Variants in GPD2 observed in about 807,000 individuals in gnomAD.
The protein encoded by GPD2 is glycerol-3-phosphate dehydrogenase 2.
A neutral mutation model predicts 82.4 loss-of-function variants in GPD2; 54 were observed. The observed-to-expected ratio is 0.66, with a 90% CI of 0.53 to 0.82. The LOEUF is 0.82. Ranked by LOEUF, GPD2 falls within the 40% of genes least tolerant of loss-of-function variation. The pLI is 0.00. For synonymous variants in GPD2, 288 were observed against 306.1 expected, an observed-to-expected ratio of 0.94 and a Z score of 0.62; for missense variants, 748 against 896.2, an observed-to-expected ratio of 0.83 and a Z score of 2.11.
At chr2:156,570,810 A>T (rs2288760) in intron 12 of GPD2, among the ~76,000 whole-genome samples, 42,377 of 152,092 alleles carry the variant, frequency 0.28, 6,361 homozygotes, top group East Asian at 0.58. Context: ...ATTAAAATCC[A>T]CATTATGTAT....
At chr2:156,491,044 C>G (rs1198714650) in intron 2 of GPD2, among the ~76,000 whole-genome samples, 1 of 152,132 alleles carries the variant, frequency 6.6e-6, no homozygotes, top group African/African-American at 2.4e-5. Context: ...GCACTGTGAT[C>G]AAGCTGTAGA....
intron 13 of GPD2, among the ~76,000 whole-genome samples, chr2:156,576,175 C>T (rs949942071): frequency 6.6e-6 from 1 of 152,172 alleles, no homozygotes; most frequent in Non-Finnish European, 1.5e-5. Context: ...AACAGTGGAC[C>T]ATGGCTGCCC....
intron 1 of GPD2, among the ~76,000 whole-genome samples, chr2:156,438,324 A>G (rs1365921405): frequency 6.6e-6 from 1 of 152,204 alleles, no homozygotes; most frequent in Non-Finnish European, 1.5e-5. Flanking sequence ...ATTGCTAGCA[A>G]TGTACCTGGC....
intron 11 of GPD2, 25 bp from the exon 12 acceptor site, chr2:156,570,062 G>A: frequency 6.2e-7 from 1 of 1,608,284 alleles, no homozygotes; most frequent in South Asian, 1.1e-5. Context: ...CAAAGTGCCT[G>A]CCTAACGCAG....
Position 156,487,317 on chromosome 2 carries a change from T to A in GPD2, c.103-8727T>A, listed in dbSNP as rs367826603. ...ACATGGTGAGACTCTGTCTCAAATT[T>A]AAAAAAAAAAAGTGCTATTTCATAG... On this transcript the variant is annotated intron_variant, in intron 2 of 16. Coordinates refer to ENST00000438166, the MANE Select transcript of GPD2 (RefSeq NM_000408.5). Among the ~76,000 whole-genome samples the A allele has an allele frequency of 4.3e-3, 632 of 146,398 alleles. 3 individuals are homozygous for A. Among genetic ancestry groups the A allele is most frequent in the Non-Finnish European group, 7.0e-3 (464 of 66,060 alleles).
the GPD2 span, among the ~76,000 whole-genome samples, chr2:156,408,711 T>TAAAAA: frequency 1.1e-4 from 9 of 82,026 alleles, no homozygotes; most frequent in Admixed American, 2.7e-4. Context: ...CTGCACCTGG[T>TAAAAA]AAAAAAAAAA....
intron 6 of GPD2, among the ~76,000 whole-genome samples, chr2:156,541,843 T>TTTTC (rs1414454206): frequency 6.7e-6 from 1 of 148,234 alleles, no homozygotes; most frequent in East Asian, 2.0e-4. Flanking sequence ...TTTTTTTTTT[T>TTTTC]TTTGGCTGTG....
chr2:156,520,560 GTTATTTAT>G (rs148048031), intron 6 of GPD2, among the ~76,000 whole-genome samples: 73,193 of 143,782 alleles, frequency 0.51, 18,796 homozygotes, highest in East Asian at 0.75. Context: ...TATTTTTATT[GTTATTTAT>G]TTATTTATTT....
chr2:156,512,712 A>G (rs1685046904), intron 5 of GPD2, among the ~76,000 whole-genome samples: 1 of 152,154 alleles, frequency 6.6e-6, no homozygotes, highest in Non-Finnish European at 1.5e-5. Context: ...AACCCAAGGC[A>G]TTTTGAGTCA....
intron 6 of GPD2, among the ~76,000 whole-genome samples, chr2:156,533,345 C>T (rs550477005): frequency 2.0e-5 from 3 of 152,286 alleles, no homozygotes; most frequent in South Asian, 4.1e-4. Flanking sequence ...TATGAGTTCT[C>T]GAGAAATGTT....
In GPD2 at chr2:156,583,860, C is replaced by G. The variant is rs1688119998; in HGVS notation, c.*942C>G. 6.6e-6 allele frequency: 1 copy of G among 152,442 alleles called. No homozygotes were observed. Among genetic ancestry groups the G allele is most frequent in the African/African-American group, 2.4e-5 (1 of 41,416 alleles). The allele number at this position is 152,442 out of a possible 1,614,324, so 9.4% of individuals were successfully genotyped here. On this transcript the variant is annotated 3_prime_UTR_variant, in exon 17 of 17. Coordinates refer to ENST00000438166, the MANE Select transcript of GPD2 (RefSeq NM_000408.5). ...TATCCACATATGATAACAAAAGATT[C>G]AATTCCCAAGCCTAAATTTTGAAGC...
chr2:156,406,897 G>A, the GPD2 span, among the ~76,000 whole-genome samples: 1 of 152,062 alleles, frequency 6.6e-6, no homozygotes, highest in East Asian at 1.9e-4. Context: ...AAATTCAAAA[G>A]GTATGAGAGA....
intron 3 of GPD2, among the ~76,000 whole-genome samples, chr2:156,498,810 G>A (rs1396786083): frequency 3.3e-5 from 5 of 152,080 alleles, no homozygotes; most frequent in African/African-American, 9.7e-5. Context: ...TATGTTTCAC[G>A]GATTTTTTTC....
intron 9 of GPD2, among the ~76,000 whole-genome samples, chr2:156,568,100 A>C (rs1346476768): frequency 2.0e-5 from 3 of 152,160 alleles, no homozygotes; most frequent in Non-Finnish European, 4.4e-5. Flanking sequence ...AGAGGTAAGA[A>C]TATGGACCTT....
intron 13 of GPD2, among the ~76,000 whole-genome samples, chr2:156,575,027 T>C (rs1036284034): frequency 2.0e-5 from 3 of 152,168 alleles, no homozygotes; most frequent in Admixed American, 1.3e-4. Flanking sequence ...GATATTGAAA[T>C]AGGAGGCTAC....
At chr2:156,548,696 A>C (rs1000687825) in intron 6 of GPD2, among the ~76,000 whole-genome samples, 2 of 152,148 alleles carry the variant, frequency 1.3e-5, no homozygotes, top group Non-Finnish European at 1.5e-5. Flanking sequence ...ATCCATTACA[A>C]ATTCATCCCT....
chr2:156,434,753 G>A (rs1363506557), upstream of GPD2, among the ~76,000 whole-genome samples: 1 of 152,108 alleles, frequency 6.6e-6, no homozygotes. Context: ...TTTAAACCGT[G>A]GTTCTCAAAC....
intron 3 of GPD2, among the ~76,000 whole-genome samples, chr2:156,504,472 C>G (rs1166531361): frequency 6.6e-6 from 1 of 151,602 alleles, no homozygotes; most frequent in African/African-American, 2.4e-5. Context: ...ACATACAAAG[C>G]ATCTTAAATT....
At chr2:156,549,516 G>T in intron 6 of GPD2, 92 bp from the exon 7 acceptor site, 1 of 1,089,336 alleles carries the variant, frequency 9.2e-7, no homozygotes. Context: ...GACAGGGACA[G>T]ATGTGACATA....
Sources: allele counts gnomAD v4.1 joint callset (sites outside exome capture counted in the v4.1 genomes callset), GRCh38; gene constraint gnomAD v4.1.1; transcripts MANE v1.5; gene names NCBI Gene and HGNC (gene_info 2026-07-23, HGNC 2026-07-21).